Variants in KCNMB2 observed in about 807,000 individuals in gnomAD.
KCNMB2 encodes the protein potassium calcium-activated channel subfamily M regulatory beta subunit 2.
KCNMB2 carries 9 observed loss-of-function variants against 24.5 expected under a neutral mutation model. The observed-to-expected ratio is 0.37, with a 90% confidence interval of 0.22 to 0.64. The LOEUF (loss-of-function observed/expected upper bound fraction) is 0.64, where lower values mean the gene tolerates loss of function less well. KCNMB2 is among the 30% of genes least tolerant of loss of function. KCNMB2 has a pLI of 0.63. For missense variants in KCNMB2, 226 were observed against 284.3 expected, an observed-to-expected ratio of 0.79 and a Z score of 1.47; for synonymous variants, 109 against 104.4, an observed-to-expected ratio of 1.04 and a Z score of -0.27.
intron 1 of KCNMB2, among the ~76,000 whole-genome samples, chr3:178,697,629 GGA>G (rs1464220137): frequency 6.6e-6 from 1 of 152,118 alleles, no homozygotes; most frequent in African/African-American, 2.4e-5. Flanking sequence ...TGACATCTGT[GGA>G]TTTGATCCTG....
At chr3:178,807,032 T>A (rs541607191) in intron 1 of KCNMB2, among the ~76,000 whole-genome samples, 1 of 152,200 alleles carries the variant, frequency 6.6e-6, no homozygotes, top group African/African-American at 2.4e-5. Flanking sequence ...CATACCAAAG[T>A]GATATTTTGA....
chr3:178,744,310 T>C (rs1336532258), intron 1 of KCNMB2, among the ~76,000 whole-genome samples: 1 of 152,266 alleles, frequency 6.6e-6, no homozygotes, highest in Non-Finnish European at 1.5e-5. Flanking sequence ...ACACTTATTT[T>C]ATAACTATTG....
At chr3:178,661,395 A>G (rs1370894884) in intron 1 of KCNMB2, among the ~76,000 whole-genome samples, 2 of 152,008 alleles carry the variant, frequency 1.3e-5, no homozygotes, top group African/African-American at 4.8e-5. Context: ...ATTGATGGGC[A>G]TCTTGGTTGG....
At chr3:178,614,879 C>G (rs990077236) in intron 1 of KCNMB2, among the ~76,000 whole-genome samples, 1 of 152,138 alleles carries the variant, frequency 6.6e-6, no homozygotes, top group African/African-American at 2.4e-5. Context: ...TTATTGTAGT[C>G]TTCACCATCT....
chr3:178,608,774 G>T (rs111818828), intron 1 of KCNMB2, among the ~76,000 whole-genome samples: 2,106 of 152,182 alleles, frequency 0.014, 24 homozygotes, highest in Non-Finnish European at 0.022. Context: ...TATGCAGTTT[G>T]TCTTTCTGTG....
chr3:178,706,683 C>T (rs1288036831), intron 1 of KCNMB2, among the ~76,000 whole-genome samples: 1 of 152,154 alleles, frequency 6.6e-6, no homozygotes, highest in East Asian at 1.9e-4. Context: ...GCTCTCTCTG[C>T]ACCCCAGACT....
intron 1 of KCNMB2, among the ~76,000 whole-genome samples, chr3:178,721,638 A>G (rs1008000193): frequency 2.0e-5 from 3 of 152,242 alleles, no homozygotes; most frequent in East Asian, 3.8e-4. Context: ...TTAACTTTGT[A>G]AGAAACTACC....
intron 1 of KCNMB2, among the ~76,000 whole-genome samples, chr3:178,795,417 A>T (rs893087093): frequency 3.3e-5 from 5 of 152,268 alleles, no homozygotes; most frequent in African/African-American, 1.2e-4. Flanking sequence ...AGCTATGGGT[A>T]TATGACCACA....
intron 1 of KCNMB2, among the ~76,000 whole-genome samples, chr3:178,714,775 G>A (rs368045183): frequency 2.0e-5 from 3 of 152,160 alleles, no homozygotes; most frequent in East Asian, 1.9e-4. Flanking sequence ...TCTAATGTTC[G>A]TCAGCCGTTG....
chr3:178,660,428 T>G (rs1229934073), intron 1 of KCNMB2, among the ~76,000 whole-genome samples: 1 of 152,130 alleles, frequency 6.6e-6, no homozygotes, highest in Non-Finnish European at 1.5e-5. Context: ...TGGCTGGGAC[T>G]GAGTTCTCAC....
At chr3:178,719,601 T>C (rs181942085) in intron 1 of KCNMB2, among the ~76,000 whole-genome samples, 2 of 152,312 alleles carry the variant, frequency 1.3e-5, no homozygotes, top group East Asian at 3.9e-4. Flanking sequence ...AATTTTCAGG[T>C]GGAATAAACT....
chr3:178,597,209 T>C (rs1692546764), intron 1 of KCNMB2, among the ~76,000 whole-genome samples: 1 of 152,164 alleles, frequency 6.6e-6, no homozygotes, highest in South Asian at 2.1e-4. Context: ...ATAAAGGAGC[T>C]CCTCAGCCAG....
Position 178,617,705 on chromosome 3 carries a change from C to G in KCNMB2, c.-68+80994C>G, listed in dbSNP as rs370162911. On this transcript the variant is annotated intron_variant, in intron 1 of 4. Coordinates refer to ENST00000452583, the MANE Select transcript of KCNMB2 (RefSeq NM_181361.3). ...GAGATCAAGATCATCCTGGCCAACA[C>G]GATGAAACCCCGTCTCTACTAAAAA... Among the ~76,000 whole-genome samples the G allele has an allele frequency of 2.0e-5, 3 of 151,584 alleles. No individual in the cohort carries two copies. In the South Asian group the frequency reaches 6.2e-4, roughly 31 times the overall value.
intron 1 of KCNMB2, among the ~76,000 whole-genome samples, chr3:178,765,615 T>G (rs1712082158): frequency 1.1e-5 from 1 of 87,696 alleles, no homozygotes; most frequent in East Asian, 3.0e-4. Context: ...CTGCTAGAAT[T>G]TGTGTGTGTG....
Position 178,814,449 on chromosome 3 carries a change from T to C in KCNMB2, c.56+6984T>C, listed in dbSNP as rs543479451. Among the ~76,000 whole-genome samples the C allele has an allele frequency of 1.3e-4, 20 of 152,332 alleles. No homozygotes were observed. In the South Asian group the frequency reaches 3.9e-3, roughly 30 times the overall value. ...ACATATGAGTGCAGATATTCTTTGATAGAATGATTTCTTTTCCTTTGGGTA... is the reference window on the plus strand; with the variant it reads ...ACATATGAGTGCAGATATTCTTTGACAGAATGATTTCTTTTCCTTTGGGTA... On this transcript the variant is annotated intron_variant, in intron 2 of 4. Coordinates refer to ENST00000452583, the MANE Select transcript of KCNMB2 (RefSeq NM_181361.3).
At chr3:178,832,570 G>A (rs1464349304) in intron 4 of KCNMB2, among the ~76,000 whole-genome samples, 1 of 80,398 alleles carries the variant, frequency 1.2e-5, no homozygotes, top group Non-Finnish European at 2.3e-5. Context: ...CCACATACGA[G>A]GTTTTCTCAT....
chr3:178,708,468 C>G (rs1722350048), intron 1 of KCNMB2, among the ~76,000 whole-genome samples: 1 of 152,132 alleles, frequency 6.6e-6, no homozygotes. Context: ...CCTGAGGAAA[C>G]TGAGGCACTT....
At chr3:178,753,640 A>T (rs1723923464) in intron 1 of KCNMB2, among the ~76,000 whole-genome samples, 2 of 152,206 alleles carry the variant, frequency 1.3e-5, no homozygotes, top group African/African-American at 4.8e-5. Context: ...ATTAGATGGA[A>T]TATAGAAAAT....
At chr3:178,608,059 G>A (rs1359989648) in intron 1 of KCNMB2, among the ~76,000 whole-genome samples, 1 of 152,142 alleles carries the variant, frequency 6.6e-6, no homozygotes, top group Non-Finnish European at 1.5e-5. Flanking sequence ...TACATGAGAG[G>A]AAGTAAAATT....
Sources: allele counts gnomAD v4.1 joint callset (sites outside exome capture counted in the v4.1 genomes callset), GRCh38; gene constraint gnomAD v4.1.1; transcripts MANE v1.5; gene names NCBI Gene and HGNC (gene_info 2026-07-23, HGNC 2026-07-21).